The following UNC45B variants were observed in gnomAD, a reference collection of about 807,000 sequenced individuals.
UNC45B encodes the protein protein unc-45 homolog B.
Under a neutral mutation model 98.7 loss-of-function variants are expected in UNC45B, and 78 were observed. That is an observed-to-expected ratio of 0.79 (90% CI 0.66 to 0.95). The LOEUF is 0.95. Among genes scored for constraint, UNC45B ranks in the 40% least tolerant of loss-of-function variants. UNC45B has a pLI of 0.00. For synonymous variants in UNC45B, 462 were observed against 480.4 expected, an observed-to-expected ratio of 0.96 and a Z score of 0.50; for missense variants, 1,225 against 1,184.9, an observed-to-expected ratio of 1.03 and a Z score of -0.50.
chr17:35,152,765 A>G, intron 4 of UNC45B, 128 bp from the exon 5 acceptor site: 1 of 761,612 alleles, frequency 1.3e-6, no homozygotes, highest in Middle Eastern at 2.3e-4. Context: ...TGTCGAATGA[A>G]TACATGAATG....
Position 35,168,242 on chromosome 17 carries a change from C to T in UNC45B, c.1333C>T (p.Leu445Phe). The T allele has an allele frequency of 6.3e-7, 1 of 1,586,308 alleles. No individual in the cohort carries two copies. Among genetic ancestry groups the T allele is most frequent in the Non-Finnish European group, 8.6e-7 (1 of 1,165,696 alleles). Reference protein sequence around the residue: ...ETDQLVAVEALIHASTKLSRA... With the variant: ...ETDQLVAVEAFIHASTKLSRA... ...GGACCAGCTGGTGGCCGTGGAGGCCCTCATCCATGCCTCCACGAAGCTCAG... is the reference window on the plus strand; with the variant it reads ...GGACCAGCTGGTGGCCGTGGAGGCCTTCATCCATGCCTCCACGAAGCTCAG... Residue 445 changes from leucine (L) to phenylalanine (F), a missense_variant, in exon 10 of 20, where the codon CTC becomes TTC. Leu to Phe is a conservative substitution (Grantham distance 22). Coordinates refer to ENST00000394570, the MANE Select transcript of UNC45B (RefSeq NM_001267052.2).
chr17:35,176,050 C>T lies in UNC45B; in HGVS notation c.2025+16C>T, dbSNP rs747839643. The stretch of plus-strand genomic sequence containing the variant: ...TGGTGGCAAGGTAACTGGGCAGGTG[C>T]CTTCCTAGAAGGTGCCTTTGTGCAT... On this transcript the variant is annotated intron_variant, in intron 15 of 19. Coordinates refer to ENST00000394570, the MANE Select transcript of UNC45B (RefSeq NM_001267052.2). 1 of 1,613,682 alleles carries T rather than the reference C, an allele frequency of 6.2e-7. No individual in the cohort carries two copies. The highest frequency in any genetic ancestry group is 1.3e-5 in the African/African-American group (1 of 75,032).
chr17:35,184,515 G>T (rs890545988), intron 19 of UNC45B, among the ~76,000 whole-genome samples: 1 of 152,180 alleles, frequency 6.6e-6, no homozygotes, highest in Non-Finnish European at 1.5e-5. Flanking sequence ...TCTTGTTGCA[G>T]GTCCTCACAG....
chr17:35,150,217 G>A lies in UNC45B; in HGVS notation c.375G>A (p.Gln125=). 1 of 1,609,238 alleles carries A rather than the reference G, an allele frequency of 6.2e-7. No individual in the cohort carries two copies. Among genetic ancestry groups the A allele is most frequent in the Non-Finnish European group, 8.5e-7 (1 of 1,177,604 alleles). ...TGAGGAGACTCAACACCAGCATTCAGGAGAAGGTGAGCTGGGCCTCTTCCC... is the reference window on the plus strand; with the variant it reads ...TGAGGAGACTCAACACCAGCATTCAAGAGAAGGTGAGCTGGGCCTCTTCCC... ...EMLRRLNTSI[Q]EKLRVQFSTD... Residue 125 remains glutamine (Q), a synonymous_variant, in exon 4 of 20, where the codon CAG becomes CAA. Coordinates refer to ENST00000394570, the MANE Select transcript of UNC45B (RefSeq NM_001267052.2).
chr17:35,179,350 T>C (rs1239804623), intron 17 of UNC45B, among the ~76,000 whole-genome samples: 1 of 152,202 alleles, frequency 6.6e-6, no homozygotes, highest in Non-Finnish European at 1.5e-5. Flanking sequence ...GATTTGGCTC[T>C]CAAGGATCTA....
chr17:35,161,240 C>G (rs1270369970), intron 8 of UNC45B, among the ~76,000 whole-genome samples: 1 of 152,176 alleles, frequency 6.6e-6, no homozygotes, highest in Non-Finnish European at 1.5e-5. Flanking sequence ...ATGGACAGCA[C>G]TTGGGTAAAA....
In UNC45B at chr17:35,159,505, C is replaced by T. The variant is rs1295929649; in HGVS notation, c.939C>T (p.Ala313=). ...AGAATGTTCCCAGGAAGGACCTTGC[C>T]ATTCATGACAACTCACGTACCATCT... ...LNKNVPRKDL[A]IHDNSRTIYV... is the part of the protein sequence containing the mutation. The change falls in exon 8 of 20, where the codon GCC becomes GCT. Residue 313 remains alanine (A), a synonymous_variant. Coordinates refer to ENST00000394570, the MANE Select transcript of UNC45B (RefSeq NM_001267052.2). 3 of 1,613,978 alleles carry T rather than the reference C, an allele frequency of 1.9e-6. No homozygotes were observed. In the African/African-American group the frequency reaches 4.0e-5, roughly 22 times the overall value.
In UNC45B at chr17:35,176,035, G is replaced by A; in HGVS notation, c.2025+1G>A. 4 of 1,614,150 alleles carry A rather than the reference G, an allele frequency of 2.5e-6. No individual in the cohort carries two copies. The highest frequency in any genetic ancestry group is 2.5e-6 in the Non-Finnish European group (3 of 1,180,010). On this transcript the variant is annotated splice_donor_variant, in intron 15 of 19. Transcript: ENST00000394570. LOFTEE classifies it high-confidence loss of function. The stretch of plus-strand genomic sequence containing the variant: ...CATTGTGGCTCAAGGTGGTGGCAAG[G>A]TAACTGGGCAGGTGCCTTCCTAGAA...
Sources: allele counts gnomAD v4.1 joint callset (sites outside exome capture counted in the v4.1 genomes callset), GRCh38; gene constraint gnomAD v4.1.1; transcripts MANE v1.5; gene names NCBI Gene and HGNC (gene_info 2026-07-23, HGNC 2026-07-21).